The following NAA15 variants were observed in gnomAD, a reference collection of about 807,000 sequenced individuals.
The protein encoded by NAA15 is N-terminal acetyltransferase.
NAA15 carries 34 observed loss-of-function variants against 114.0 expected under a neutral mutation model. The observed-to-expected ratio is 0.30, with a 90% CI of 0.23 to 0.40. NAA15 has a LOEUF of 0.40. Among genes scored for constraint, NAA15 ranks in the 10% least tolerant of loss-of-function variants. The pLI, the probability that NAA15 is intolerant of heterozygous loss-of-function variation, is 1.00. For missense variants in NAA15, 658 were observed against 1,004.5 expected, an observed-to-expected ratio of 0.66 and a Z score of 4.66; for synonymous variants, 340 against 338.0, an observed-to-expected ratio of 1.01 and a Z score of -0.06.
intron 1 of NAA15, among the ~76,000 whole-genome samples, chr4:139,327,109 G>T (rs192589904): frequency 1.1e-3 from 173 of 151,906 alleles, no homozygotes; most frequent in Admixed American, 2.8e-3. Context: ...CTAATTTTTT[G>T]ATTTTTTTGT....
rs998310 is a variant in NAA15 at position 139,387,830 on chromosome 4, C to A, written c.2401-54C>A. ...TGCTGTTGAAATGTCTAATAAATTC[C>A]CAGTAAGAACCTTTTTTTGACCAGT... is the stretch of plus-strand genomic sequence containing the variant. On this transcript the variant is annotated intron_variant, in intron 19 of 19. Coordinates refer to ENST00000296543, the MANE Select transcript of NAA15 (RefSeq NM_057175.5). 638,642 of 1,390,026 alleles carry A rather than the reference C, an allele frequency of 0.46. 153,820 individuals are homozygous for A. Among genetic ancestry groups the A allele is most frequent in the African/African-American group, 0.81 (56,327 of 69,118 alleles). The allele number at this position is 1,390,026 out of a possible 1,614,324, so 86.1% of individuals were successfully genotyped here. A position where few individuals can be genotyped will look rare whatever the true frequency, so the allele number is the denominator to read the frequency against.
intron 17 of NAA15, among the ~76,000 whole-genome samples, chr4:139,383,565 G>C (rs1748809307): frequency 6.6e-6 from 1 of 152,198 alleles, no homozygotes; most frequent in Admixed American, 6.5e-5. Context: ...CCACCTCCCA[G>C]GTTCAAGCTG....
At chr4:139,303,920 T>TAAAAAA (rs568082072) in intron 1 of NAA15, among the ~76,000 whole-genome samples, 2 of 152,238 alleles carry the variant, frequency 1.3e-5, no homozygotes, top group Non-Finnish European at 2.9e-5. Flanking sequence ...TAGCACTTTT[T>TAAAAAA]TTTGTTTGTT....
At chr4:139,373,693 T>G (rs1034413984) in intron 15 of NAA15, among the ~76,000 whole-genome samples, 4 of 151,360 alleles carry the variant, frequency 2.6e-5, no homozygotes, top group South Asian at 2.1e-4. Context: ...TTTGTTGGTT[T>G]GTTTGTTTGC....
intron 1 of NAA15, 75 bp downstream of exon 1, chr4:139,301,906 C>G: frequency 6.7e-7 from 1 of 1,489,048 alleles, no homozygotes; most frequent in Non-Finnish European, 9.1e-7. Flanking sequence ...AACCTCGGCC[C>G]GGCGGGCACT....
chr4:139,320,933 G>C (rs1360536422), intron 1 of NAA15, among the ~76,000 whole-genome samples: 1 of 152,090 alleles, frequency 6.6e-6, no homozygotes, highest in Non-Finnish European at 1.5e-5. Context: ...TTACTGGTGG[G>C]AGCCACCTCA....
intron 18 of NAA15, 138 bp downstream of exon 18, chr4:139,385,116 A>C (rs1314382627): frequency 3.1e-6 from 2 of 648,068 alleles, no homozygotes; most frequent in Non-Finnish European, 4.5e-6. Flanking sequence ...GAAAACAGGC[A>C]GCTTAAATAA....
intron 18 of NAA15, among the ~76,000 whole-genome samples, chr4:139,385,283 A>AATATATAT (rs35008407): frequency 2.0e-4 from 20 of 100,428 alleles, no homozygotes; most frequent in African/African-American, 5.2e-4. Flanking sequence ...ATATATATAT[A>AATATATAT]ATATATATAT....
At position 139,343,831 on chromosome 4, in the gene NAA15, T is replaced by C. The variant is rs577004166; in HGVS notation, c.538-355T>C. On this transcript the variant is annotated intron_variant, in intron 5 of 19. Transcript: ENST00000296543. Reference sequence around the variant, plus strand: ...ATCTAGTTTTAGCATTCATTGATTATGATTCTTGCCTGAATCAGTATTACT... The same window carrying C: ...ATCTAGTTTTAGCATTCATTGATTACGATTCTTGCCTGAATCAGTATTACT... 1.2e-3 allele frequency among the ~76,000 whole-genome samples: 184 copies of C among 152,344 alleles called. 1 individual carries two copies. The highest frequency in any genetic ancestry group is 4.3e-3 in the African/African-American group (177 of 41,592).
In NAA15 at chr4:139,391,213, A is replaced by T. The variant is rs1749049489; in HGVS notation, c.*3129A>T. On this transcript the variant is annotated 3_prime_UTR_variant, in exon 20 of 20. Coordinates refer to ENST00000296543, the MANE Select transcript of NAA15 (RefSeq NM_057175.5). Reference sequence around the variant, plus strand: ...TTTAAGTTATAAACAAAGTTTCATGATACCATTCTGCTATCATCTAAACTT... The same window carrying T: ...TTTAAGTTATAAACAAAGTTTCATGTTACCATTCTGCTATCATCTAAACTT... The T allele has an allele frequency of 1.3e-5, 2 of 152,342 alleles. No homozygotes were observed. The highest frequency in any genetic ancestry group is 4.1e-4 in the South Asian group (2 of 4,828). The allele number at this position is 152,342 out of a possible 1,614,324, so 9.4% of individuals were successfully genotyped here. A position where few individuals can be genotyped will look rare whatever the true frequency, so the allele number is the denominator to read the frequency against.
At chr4:139,371,497 G>GCGCACACACACACACACA (rs1389164527) in intron 15 of NAA15, among the ~76,000 whole-genome samples, 1 of 113,664 alleles carries the variant, frequency 8.8e-6, no homozygotes, top group African/African-American at 3.2e-5. Flanking sequence ...AAGAAAAGTA[G>GCGCACACACACACACACA]CACACACACA....
intron 1 of NAA15, among the ~76,000 whole-genome samples, chr4:139,323,790 T>G (rs1047394797): frequency 5.3e-5 from 8 of 152,210 alleles, no homozygotes; most frequent in African/African-American, 1.7e-4. Context: ...ACTTTCCAGT[T>G]TTATAGTTGG....
intron 10 of NAA15, among the ~76,000 whole-genome samples, chr4:139,355,418 A>G (rs1172842048): frequency 6.7e-6 from 1 of 149,620 alleles, no homozygotes; most frequent in Non-Finnish European, 1.5e-5. Flanking sequence ...TTTTTTTTTC[A>G]GTTTTCCCAG....
At position 139,386,186 on chromosome 4, in the gene NAA15, T is replaced by G. The variant is rs569154393; in HGVS notation, c.2356T>G (p.Leu786Val). ...DPSSQKRAIE[L>V]ATTLDESLTN... is the part of the protein sequence containing the mutation. The stretch of plus-strand genomic sequence containing the variant: ...TTCTAGTCAGAAGCGAGCTATAGAG[T>G]TGGCAACAACACTTGATGAATCTCT... The change falls in exon 19 of 20, where the codon TTG becomes GTG. Residue 786 changes from leucine to valine, a missense_variant. Physicochemically the swap from Leu to Val is conservative, Grantham distance 32 (BLOSUM62 1). This residue lies in a region of NAA15 where 275 missense variants were observed against 371.1 expected (regional missense o/e 0.74). Transcript: ENST00000296543. 2 of 1,611,216 alleles carry G rather than the reference T, an allele frequency of 1.2e-6. No individual in the cohort carries two copies. The highest frequency in any genetic ancestry group is 1.7e-6 in the Non-Finnish European group (2 of 1,178,636).
At chr4:139,347,956 C>T (rs930176542) in intron 6 of NAA15, among the ~76,000 whole-genome samples, 32 of 148,548 alleles carry the variant, frequency 2.2e-4, no homozygotes, top group African/African-American at 7.2e-4. Context: ...GGCGTGAACC[C>T]GGGAAGCGGA....
At chr4:139,338,189 G>A (rs914663740) in intron 3 of NAA15, among the ~76,000 whole-genome samples, 2 of 152,188 alleles carry the variant, frequency 1.3e-5, no homozygotes, top group Non-Finnish European at 2.9e-5. Flanking sequence ...CAGGATATTA[G>A]TGATAGAAAT....
intron 1 of NAA15, among the ~76,000 whole-genome samples, chr4:139,331,197 C>T (rs891110611): frequency 1.3e-5 from 2 of 152,050 alleles, no homozygotes; most frequent in Admixed American, 6.6e-5. Context: ...AAATAATGTT[C>T]CCTATTTTCT....
At chr4:139,364,804 A>T (rs1285000921) in intron 14 of NAA15, among the ~76,000 whole-genome samples, 2 of 152,136 alleles carry the variant, frequency 1.3e-5, no homozygotes, top group Non-Finnish European at 2.9e-5. Flanking sequence ...AAAGTTTCTG[A>T]TACTAGGTTG....
intron 14 of NAA15, among the ~76,000 whole-genome samples, chr4:139,362,337 G>C (rs1293927425): frequency 1.2e-4 from 18 of 152,186 alleles, no homozygotes. Context: ...CTGGAGTGCA[G>C]TGCATGATCT....
Sources: gnomAD v4.1 joint callset for allele counts (sites outside exome capture counted in the v4.1 genomes callset) on GRCh38, gnomAD v4.1.1 for gene constraint, gnomAD v4.1.1 regional missense constraint, MANE v1.5 for transcripts, NCBI Gene and HGNC (gene_info 2026-07-23, HGNC 2026-07-21) for gene names.